The following BTN2A1 variants were observed in gnomAD, a reference collection of about 807,000 sequenced individuals.
BTN2A1 encodes the protein butyrophilin subfamily 2 member A1.
In BTN2A1, 41 loss-of-function variants were observed where a neutral mutation model predicts 34.5. That is an observed-to-expected ratio of 1.19 (90% CI 0.93 to 1.54). The LOEUF (loss-of-function observed/expected upper bound fraction) is 1.54. BTN2A1 is among the 40% of genes most tolerant of loss of function. The probability of loss-of-function intolerance (pLI) is 0.00; values close to 1 mark genes in which losing one functional copy is unlikely to be tolerated. For synonymous variants in BTN2A1, 267 were observed against 258.6 expected (o/e 1.03, Z -0.31); for missense variants, 642 against 662.0 (o/e 0.97, Z 0.33).
At chr6:26,471,025 G>T (rs1488911711), downstream of BTN2A1, among the ~76,000 whole-genome samples, 6 of 152,140 alleles carry the variant, frequency 3.9e-5, no homozygotes, top group Admixed American at 3.3e-4. Flanking sequence ...TAAAATGCTG[G>T]CTTAAATGAT....
intron 4 of BTN2A1, among the ~76,000 whole-genome samples, chr6:26,463,994 ATT>A (rs1034082567): frequency 6.6e-6 from 1 of 151,878 alleles, no homozygotes; most frequent in Non-Finnish European, 1.5e-5. Context: ...AGAGATGGGG[ATT>A]TCACCTTGTT....
chr6:26,470,534 GTC>G (rs1349565598), downstream of BTN2A1, among the ~76,000 whole-genome samples: 3 of 152,200 alleles, frequency 2.0e-5, no homozygotes, highest in South Asian at 4.1e-4. Flanking sequence ...TTCTGGATGT[GTC>G]TCTGAGGGTG....
At chr6:26,467,842 C>T (rs1290672199) in intron 7 of BTN2A1, 106 bp from the exon 8 acceptor site, 40 of 1,559,042 alleles carry the variant, frequency 2.6e-5, no homozygotes, top group East Asian at 6.8e-5. Flanking sequence ...GTGGCCACTA[C>T]GTGGGGATCC....
At chr6:26,470,716 A>G (rs1253590426), downstream of BTN2A1, among the ~76,000 whole-genome samples, 1 of 152,112 alleles carries the variant, frequency 6.6e-6, no homozygotes, top group African/African-American at 2.4e-5. Flanking sequence ...TTGCTCTTCA[A>G]TATCACAACT....
Position 26,463,383 on chromosome 6 carries a change from A to G in BTN2A1, c.570A>G (p.Lys190=), listed in dbSNP as rs1273310685. 9.9e-6 allele frequency: 16 copies of G among 1,614,024 alleles called. No homozygotes were observed. The highest frequency in any genetic ancestry group is 1.4e-5 in the Non-Finnish European group (16 of 1,180,032). ...DPYGGVAPAL[K]EVSMPDADGL... ...ACGGTGGGGTTGCGCCTGCCCTGAAAGAGGTCTCCATGCCTGATGCAGACG... is the reference window on the plus strand; with the variant it reads ...ACGGTGGGGTTGCGCCTGCCCTGAAGGAGGTCTCCATGCCTGATGCAGACG... Residue 190 remains lysine, a synonymous_variant, in exon 4 of 8, where the codon AAA becomes AAG. Coordinates refer to ENST00000312541, the MANE Select transcript of BTN2A1 (RefSeq NM_007049.5).
At position 26,468,219 on chromosome 6, in the gene BTN2A1, G is replaced by C. The variant is rs759415702; in HGVS notation, c.1254G>C (p.Gln418His). ...AAGGGGAGGTCCTGCTGATTCCTCAGAATGGCTTCTGGACCTTGGAGATGC... is the reference window on the plus strand; with the variant it reads ...AAGGGGAGGTCCTGCTGATTCCTCACAATGGCTTCTGGACCTTGGAGATGC... ...ERKGEVLLIP[Q>H]NGFWTLEMHK... Residue 418 changes from glutamine (Q) to histidine (H), a missense_variant, in exon 8 of 8, where the codon CAG (glutamine) becomes CAC (histidine). By Grantham distance (24) the Gln-to-His change is conservative (BLOSUM62 0). Coordinates refer to ENST00000312541, the MANE Select transcript of BTN2A1 (RefSeq NM_007049.5). 1 of 1,614,118 alleles carries C rather than the reference G, an allele frequency of 6.2e-7. No individual in the cohort carries two copies. Among genetic ancestry groups the C allele is most frequent in the Non-Finnish European group, 8.5e-7 (1 of 1,180,046 alleles).
chr6:26,459,959 A>T, intron 3 of BTN2A1, 131 bp downstream of exon 3: 1 of 905,260 alleles, frequency 1.1e-6, no homozygotes, highest in Non-Finnish European at 1.6e-6. Context: ...CCCTGTGGAA[A>T]CGGAATTCCA....
chr6:26,466,728 T>C (rs1178238731), intron 7 of BTN2A1, among the ~76,000 whole-genome samples: 2 of 152,300 alleles, frequency 1.3e-5, no homozygotes, highest in South Asian at 2.1e-4. Context: ...CTTTACCAGA[T>C]ACCATGGCAC....
At chr6:26,467,720 G>A (rs985586966) in intron 7 of BTN2A1, 3 of 1,591,310 alleles carry the variant, frequency 1.9e-6, no homozygotes, top group Non-Finnish European at 2.6e-6. Flanking sequence ...ATTTCTTAGA[G>A]CTCCAATTCT....
Position 26,469,032 on chromosome 6 carries a change from T to G in BTN2A1, c.*483T>G. ...GATAGAGGAAGTGGAACCAGAGAGC[T>G]GGGAGGGACCAAGGTTGTAAGGGTG... On this transcript the variant is annotated 3_prime_UTR_variant, in exon 8 of 8. Coordinates refer to ENST00000312541, the MANE Select transcript of BTN2A1 (RefSeq NM_007049.5). 3.4e-6 allele frequency: 4 copies of G among 1,175,698 alleles called. No individual in the cohort carries two copies. The highest frequency in any genetic ancestry group is 4.3e-6 in the Non-Finnish European group (4 of 935,808). 72.8% of individuals were successfully genotyped at this position (1,175,698 alleles called of 1,614,324 possible). A position where few individuals can be genotyped will look rare whatever the true frequency, so the allele number is the denominator to read the frequency against.
At chr6:26,461,866 A>T (rs1763174394) in intron 3 of BTN2A1, among the ~76,000 whole-genome samples, 1 of 145,918 alleles carries the variant, frequency 6.9e-6, no homozygotes. Flanking sequence ...AAGATACAAA[A>T]AAAAAGTAGC....
At position 26,474,974 on chromosome 6, in the gene BTN2A1, G is replaced by GCTGGTACTGAACTCCT. The variant is rs1261639322; in HGVS notation, c.983-1147_983-1132dup. The stretch of plus-strand genomic sequence containing the variant: ...CATGTTGGCCAGGCTGGCCGGCCAG[G>GCTGGTACTGAACTCCT]CTGGTACTGAACTCCTGACCTCAAG... On this transcript the variant is annotated intron_variant, in intron 7 of 7. Coordinates refer to the BTN2A1 transcript ENST00000469185. Among the ~76,000 whole-genome samples, 13 of 152,156 alleles carry GCTGGTACTGAACTCCT rather than the reference G, an allele frequency of 8.5e-5. No homozygotes were observed. In the East Asian group the frequency reaches 2.5e-3, roughly 29 times the overall value.
downstream of BTN2A1, among the ~76,000 whole-genome samples, chr6:26,474,258 A>G (rs897215236): frequency 2.6e-5 from 4 of 152,168 alleles, no homozygotes; most frequent in South Asian, 4.1e-4. Flanking sequence ...GCGGCAGTCA[A>G]CCCTGCAGCC....
At chr6:26,476,593 G>A (rs988242781) in exon 8 of BTN2A1, 1 of 261,210 alleles carries the variant, frequency 3.8e-6, no homozygotes, top group Non-Finnish European at 7.8e-6. Flanking sequence ...ACTCATATCT[G>A]GCTGAGAATA....
At chr6:26,465,437 C>T (rs772888822) in intron 5 of BTN2A1, 31 bp downstream of exon 5, 1 of 1,603,936 alleles carries the variant, frequency 6.2e-7, no homozygotes, top group Non-Finnish European at 8.5e-7. Context: ...TGGCTCATGG[C>T]TTGAATCCCA....
chr6:26,463,569 C>T (rs1385766449), intron 4 of BTN2A1, 44 bp downstream of exon 4: 2 of 1,580,464 alleles, frequency 1.3e-6, no homozygotes, highest in Admixed American at 3.4e-5. Flanking sequence ...CATGGGGGAT[C>T]CTCAGCACAC....
chr6:26,463,591 A>G (rs1763232593), intron 4 of BTN2A1, 66 bp downstream of exon 4: 2 of 1,544,366 alleles, frequency 1.3e-6, no homozygotes, highest in Non-Finnish European at 1.8e-6. Flanking sequence ...GATGGAGCCC[A>G]GAACGGGGAT....
intron 3 of BTN2A1, chr6:26,462,853 C>T (rs1412470396): frequency 7.8e-7 from 1 of 1,280,424 alleles, no homozygotes; most frequent in South Asian, 1.2e-5. Flanking sequence ...AAGTGAAATC[C>T]AAAACCTGCC....
rs1464561837 is a variant in BTN2A1, at chr6:26,468,239, A to T, written c.1274A>T (p.Glu425Val). 2 of 1,614,184 alleles carry T rather than the reference A, an allele frequency of 1.2e-6. No homozygotes were observed. The change falls in exon 8 of 8, where the codon GAG (glutamate) becomes GTG (valine). Residue 425 changes from glutamate to valine, a missense_variant. Transcript: ENST00000312541. ...LIPQNGFWTL[E>V]MHKGQYRAVS... ...CCTCAGAATGGCTTCTGGACCTTGGAGATGCATAAAGGGCAATACCGGGCC... is the reference window on the plus strand; with the variant it reads ...CCTCAGAATGGCTTCTGGACCTTGGTGATGCATAAAGGGCAATACCGGGCC...
Sources: gnomAD v4.1 joint callset for allele counts (sites outside exome capture counted in the v4.1 genomes callset) on GRCh38, gnomAD v4.1.1 for gene constraint, MANE v1.5 for transcripts, NCBI Gene and HGNC (gene_info 2026-07-23, HGNC 2026-07-21) for gene names.